The following NCOA2 variants were observed in gnomAD, a reference collection of about 807,000 sequenced individuals.
NCOA2 encodes class E basic helix-loop-helix protein 75.
In NCOA2, 21 loss-of-function variants were observed where a neutral mutation model predicts 145.1. The ratio of observed to expected loss-of-function variants is 0.14; its 90% CI spans 0.10 to 0.21. The LOEUF (loss-of-function observed/expected upper bound fraction) is 0.21, where lower values mean the gene tolerates loss of function less well. Among genes scored for constraint, NCOA2 ranks in the 10% least tolerant of loss-of-function variants. The pLI is 1.00. For synonymous variants in NCOA2, 619 were observed against 637.5 expected, an observed-to-expected ratio of 0.97 and a Z score of 0.44; for missense variants, 1,472 against 1,837.6, an observed-to-expected ratio of 0.80 and a Z score of 3.64.
intron 1 of NCOA2, among the ~76,000 whole-genome samples, chr8:70,395,361 T>C (rs1269263833): frequency 6.6e-6 from 1 of 152,184 alleles, no homozygotes; most frequent in African/African-American, 2.4e-5. Flanking sequence ...TGGCACAAGA[T>C]GGCAGATGCA....
intron 1 of NCOA2, among the ~76,000 whole-genome samples, chr8:70,399,592 C>T (rs118105957): frequency 0.018 from 2,684 of 152,302 alleles, 23 homozygotes; most frequent in Non-Finnish European, 0.027. Flanking sequence ...ACATACATTA[C>T]TAAACAAAAC....
intron 4 of NCOA2, among the ~76,000 whole-genome samples, chr8:70,176,504 C>G (rs564100125): frequency 1.3e-5 from 2 of 152,280 alleles, no homozygotes; most frequent in Non-Finnish European, 2.9e-5. Context: ...CCGGTCCCTT[C>G]TGAGGCGGCA....
intron 16 of NCOA2, among the ~76,000 whole-genome samples, chr8:70,129,950 G>C (rs952666923): frequency 6.6e-6 from 1 of 152,202 alleles, no homozygotes; most frequent in South Asian, 2.1e-4. Flanking sequence ...GATTACAGGC[G>C]TGAGCCACCA....
At chr8:70,237,463 G>C (rs944163568) in intron 2 of NCOA2, among the ~76,000 whole-genome samples, 5 of 134,694 alleles carry the variant, frequency 3.7e-5, no homozygotes, top group Non-Finnish European at 6.4e-5. Flanking sequence ...TTATAGTTTT[G>C]TATCTGTTAA....
intron 1 of NCOA2, among the ~76,000 whole-genome samples, chr8:70,297,032 T>A (rs1827141313): frequency 6.6e-6 from 1 of 152,230 alleles, no homozygotes. Flanking sequence ...TAAGGCTGCA[T>A]TTCATTGTGA....
intron 2 of NCOA2, among the ~76,000 whole-genome samples, chr8:70,218,306 A>G (rs1169382226): frequency 6.6e-6 from 1 of 151,732 alleles, no homozygotes; most frequent in Non-Finnish European, 1.5e-5. Flanking sequence ...AAGAGGTGAC[A>G]CAGAAGGGAA....
intron 2 of NCOA2, among the ~76,000 whole-genome samples, chr8:70,241,209 C>T (rs1334551475): frequency 6.6e-6 from 1 of 152,068 alleles, no homozygotes. Context: ...AGCAAGTTCT[C>T]CATTTGCCAA....
intron 1 of NCOA2, among the ~76,000 whole-genome samples, chr8:70,370,824 A>T (rs1374759506): frequency 6.6e-6 from 1 of 152,220 alleles, no homozygotes; most frequent in Non-Finnish European, 1.5e-5. Context: ...TATGCAGGTT[A>T]CTAGTCAAAC....
the NCOA2 span, among the ~76,000 whole-genome samples, chr8:70,441,012 T>A: frequency 1.1e-4 from 6 of 55,224 alleles, no homozygotes; most frequent in Admixed American, 4.0e-4. Flanking sequence ...AGGAAAGAAA[T>A]TTAAAAAGGA....
At chr8:70,314,180 CAAAAAAAAAAAAAAAA>C (rs61028027) in intron 1 of NCOA2, among the ~76,000 whole-genome samples, 6 of 17,202 alleles carry the variant, frequency 3.5e-4, no homozygotes, top group Admixed American at 2.2e-3. Context: ...ACTCTGACTC[CAAAAAAAAAAAAAAAA>C]AAAAAAAAAA....
the NCOA2 span, among the ~76,000 whole-genome samples, chr8:70,412,972 C>G: frequency 6.6e-6 from 1 of 151,772 alleles, no homozygotes; most frequent in Non-Finnish European, 1.5e-5. Flanking sequence ...GTGGTGCACA[C>G]CTGTAATCCC....
chr8:70,377,805 G>A (rs1811814541), intron 1 of NCOA2, among the ~76,000 whole-genome samples: 1 of 152,112 alleles, frequency 6.6e-6, no homozygotes, highest in Non-Finnish European at 1.5e-5. Context: ...TCTAAAATAA[G>A]ACAGCTGCTA....
chr8:70,431,989 A>G, the NCOA2 span, among the ~76,000 whole-genome samples: 16 of 152,224 alleles, frequency 1.1e-4, no homozygotes, highest in Non-Finnish European at 1.9e-4. Flanking sequence ...AGTTTATTTG[A>G]ACGGAATAGT....
intron 4 of NCOA2, among the ~76,000 whole-genome samples, chr8:70,203,300 G>A (rs1251730137): frequency 2.0e-5 from 3 of 149,362 alleles, no homozygotes; most frequent in Non-Finnish European, 4.5e-5. Flanking sequence ...ATAGTTGCAT[G>A]TGTAATTTAT....
At chr8:70,118,147 G>A (rs1011212452) in intron 22 of NCOA2, among the ~76,000 whole-genome samples, 6 of 152,204 alleles carry the variant, frequency 3.9e-5, no homozygotes, top group Non-Finnish European at 8.8e-5. Flanking sequence ...GGGTGAGGCA[G>A]GGAGGTCTAA....
At chr8:70,166,297 C>T (rs1813609970) in intron 7 of NCOA2, among the ~76,000 whole-genome samples, 1 of 152,224 alleles carries the variant, frequency 6.6e-6, no homozygotes, top group Non-Finnish European at 1.5e-5. Flanking sequence ...CCTAGCTGCA[C>T]TACTGACATT....
At chr8:70,160,678 A>AGAGAGAGAGAGAGAGAGAGG (rs1421486002) in intron 9 of NCOA2, among the ~76,000 whole-genome samples, 1 of 145,382 alleles carries the variant, frequency 6.9e-6, no homozygotes, top group Non-Finnish European at 1.5e-5. Flanking sequence ...AGAGAGAGAG[A>AGAGAGAGAGAGAGAGAGAGG]GAGGGAGAGA....
intron 1 of NCOA2, among the ~76,000 whole-genome samples, chr8:70,396,408 G>A (rs577244456): frequency 1.3e-5 from 2 of 152,132 alleles, no homozygotes; most frequent in South Asian, 4.1e-4. Context: ...TTCACTAGCA[G>A]AGAATTACTG....
intron 1 of NCOA2, among the ~76,000 whole-genome samples, chr8:70,348,442 C>T (rs761395075): frequency 2.0e-4 from 31 of 152,126 alleles, no homozygotes; most frequent in Non-Finnish European, 3.7e-4. Context: ...TAATTTGGGG[C>T]TAAAGAGTGG....
Sources: gnomAD v4.1 joint callset for allele counts (sites outside exome capture counted in the v4.1 genomes callset) on GRCh38, gnomAD v4.1.1 for gene constraint, MANE v1.5 for transcripts, NCBI Gene and HGNC (gene_info 2026-07-23, HGNC 2026-07-21) for gene names.